SPIDR: variants seen among roughly 807,000 people sequenced by gnomAD.
SPIDR encodes scaffold protein involved in DNA repair, also known as DNA repair-scaffolding protein.
In SPIDR, 93 loss-of-function variants were observed where a neutral mutation model predicts 104.6. That is an observed-to-expected ratio of 0.89 (90% CI 0.75 to 1.06). The LOEUF (loss-of-function observed/expected upper bound fraction) is 1.06. Among genes scored for constraint, SPIDR ranks in the 50% least tolerant of loss-of-function variants. The pLI is 0.00. For synonymous variants in SPIDR, 431 were observed against 416.9 expected (o/e 1.03, Z -0.41); for missense variants, 1,154 against 1,111.2 (o/e 1.04, Z -0.55).
intron 5 of SPIDR, among the ~76,000 whole-genome samples, chr8:47,362,388 G>A (rs927234452): frequency 1.3e-5 from 2 of 152,134 alleles, no homozygotes; most frequent in Non-Finnish European, 2.9e-5. Context: ...CCTGTGGCTC[G>A]GAAGGCTGCC....
At chr8:47,399,395 G>A (rs1467149112) in intron 6 of SPIDR, among the ~76,000 whole-genome samples, 1 of 152,242 alleles carries the variant, frequency 6.6e-6, no homozygotes, top group African/African-American at 2.4e-5. Flanking sequence ...AGTCCCTGCT[G>A]TTACAGGCAC....
chr8:47,431,172 A>G (rs2067299139), intron 7 of SPIDR, among the ~76,000 whole-genome samples: 2 of 152,184 alleles, frequency 1.3e-5, no homozygotes, highest in Non-Finnish European at 2.9e-5. Context: ...CTGTGTGCTC[A>G]CAGAGCCTTT....
chr8:47,592,860 C>T (rs540420267), intron 8 of SPIDR, among the ~76,000 whole-genome samples: 17 of 152,086 alleles, frequency 1.1e-4, no homozygotes, highest in Non-Finnish European at 1.8e-4. Context: ...TTTCTTTCTT[C>T]CCACAGGTCC....
intron 10 of SPIDR, among the ~76,000 whole-genome samples, chr8:47,666,830 A>G (rs1048098480): frequency 1.3e-5 from 2 of 152,240 alleles, no homozygotes; most frequent in Non-Finnish European, 1.5e-5. Context: ...AAAAATCCCT[A>G]TAAAATTTGA....
chr8:47,479,195 C>T (rs2076606765), intron 8 of SPIDR, among the ~76,000 whole-genome samples: 1 of 151,930 alleles, frequency 6.6e-6, no homozygotes, highest in Non-Finnish European at 1.5e-5. Context: ...CCTGTCTCTA[C>T]TAAAAATACA....
At chr8:47,396,249 T>A (rs782135186) in intron 5 of SPIDR, 127 bp from the exon 6 acceptor site, 26 of 785,162 alleles carry the variant, frequency 3.3e-5, no homozygotes, top group Non-Finnish European at 4.9e-5. Context: ...CTGCAGATAC[T>A]GTATTCAAAA....
chr8:47,419,465 T>C (rs1261311470), intron 7 of SPIDR, among the ~76,000 whole-genome samples: 26 of 152,184 alleles, frequency 1.7e-4, no homozygotes, highest in Admixed American at 1.4e-3. Flanking sequence ...GGTGGTGATA[T>C]CCCCTTTATC....
At chr8:47,665,322 A>C (rs959533669) in intron 10 of SPIDR, among the ~76,000 whole-genome samples, 5 of 152,252 alleles carry the variant, frequency 3.3e-5, no homozygotes, top group Admixed American at 2.6e-4. Flanking sequence ...CAAATTACTT[A>C]CACCATACTT....
chr8:47,589,022 GT>G (rs1168001066), intron 8 of SPIDR, among the ~76,000 whole-genome samples: 7,977 of 89,276 alleles, frequency 0.089, 96 homozygotes, highest in Non-Finnish European at 0.1. Context: ...TTTATAGTTT[GT>G]TTTTTTTTTT....
intron 8 of SPIDR, among the ~76,000 whole-genome samples, chr8:47,520,305 C>T (rs1402762195): frequency 6.6e-6 from 1 of 152,100 alleles, no homozygotes; most frequent in African/African-American, 2.4e-5. Flanking sequence ...GTGTAAGCCC[C>T]ATAGATGAGA....
chr8:47,619,372 A>T (rs923382812), intron 10 of SPIDR, among the ~76,000 whole-genome samples: 3 of 152,198 alleles, frequency 2.0e-5, no homozygotes, highest in Non-Finnish European at 4.4e-5. Flanking sequence ...GTTACAAATT[A>T]TTGATTTACT....
At chr8:47,711,243 A>C (rs913761739) in intron 14 of SPIDR, among the ~76,000 whole-genome samples, 1 of 152,202 alleles carries the variant, frequency 6.6e-6, no homozygotes, top group Admixed American at 6.5e-5. Flanking sequence ...AGATGCGTCA[A>C]ACTCATCTTT....
At chr8:47,536,458 C>G (rs1415535851) in intron 8 of SPIDR, among the ~76,000 whole-genome samples, 1 of 151,970 alleles carries the variant, frequency 6.6e-6, no homozygotes, top group African/African-American at 2.4e-5. Context: ...AAATATAGAA[C>G]AAGAAATTGA....
rs566781935 is a variant in SPIDR, at chr8:47,704,441, C to T, written c.1977+2426C>T. Among the ~76,000 whole-genome samples, 5 of 152,270 alleles carry T rather than the reference C, an allele frequency of 3.3e-5. No homozygotes were observed. In the East Asian group the frequency reaches 9.7e-4, roughly 29 times the overall value. On this transcript the variant is annotated intron_variant, in intron 14 of 19. Coordinates refer to ENST00000297423, the MANE Select transcript of SPIDR (RefSeq NM_001080394.4). Reference sequence around the variant, plus strand: ...CCCTGGTGGAGCCTGGTGTGGGTTTCCTGACTCTTACTCAGCCCAGTGTCC... The same window carrying T: ...CCCTGGTGGAGCCTGGTGTGGGTTTTCTGACTCTTACTCAGCCCAGTGTCC...
At chr8:47,551,502 G>T (rs1276507293) in intron 8 of SPIDR, among the ~76,000 whole-genome samples, 3 of 151,974 alleles carry the variant, frequency 2.0e-5, no homozygotes, top group African/African-American at 7.3e-5. Context: ...GTCTTGGGAG[G>T]GTGTATGTGT....
At chr8:47,563,601 G>A (rs1461021562) in intron 8 of SPIDR, among the ~76,000 whole-genome samples, 4 of 152,148 alleles carry the variant, frequency 2.6e-5, no homozygotes, top group Non-Finnish European at 4.4e-5. Flanking sequence ...TGTCACATGC[G>A]AGGATAAGCC....
intron 6 of SPIDR, among the ~76,000 whole-genome samples, chr8:47,398,093 T>G (rs1279060994): frequency 2.6e-5 from 4 of 152,118 alleles, no homozygotes; most frequent in Admixed American, 2.0e-4. Flanking sequence ...GAAGAAGTTG[T>G]GGCCTCAAAA....
At chr8:47,538,047 CGCATATAATCTCA>C (rs1226324018) in intron 8 of SPIDR, among the ~76,000 whole-genome samples, 3 of 151,786 alleles carry the variant, frequency 2.0e-5, no homozygotes, top group Non-Finnish European at 4.4e-5. Flanking sequence ...TGGTGACTCG[CGCATATAATCTCA>C]GCTACTCAGG....
At chr8:47,367,253 A>C (rs1286577206) in intron 5 of SPIDR, among the ~76,000 whole-genome samples, 1 of 152,218 alleles carries the variant, frequency 6.6e-6, no homozygotes, top group Non-Finnish European at 1.5e-5. Flanking sequence ...AGCAAACCCC[A>C]GTTGATAGCC....
Sources: gnomAD v4.1 joint callset for allele counts (sites outside exome capture counted in the v4.1 genomes callset) on GRCh38, gnomAD v4.1.1 for gene constraint, MANE v1.5 for transcripts, NCBI Gene and HGNC (gene_info 2026-07-23, HGNC 2026-07-21) for gene names.